LGR6: variants seen among roughly 807,000 people sequenced by gnomAD.
LGR6 encodes leucine rich repeat containing G protein-coupled receptor 6.
In LGR6, 45 loss-of-function variants were observed where a neutral mutation model predicts 69.4. The observed-to-expected ratio is 0.65, with a 90% CI of 0.51 to 0.83. LGR6 has a LOEUF of 0.83. Among genes scored for constraint, LGR6 ranks in the 40% least tolerant of loss-of-function variants. LGR6 has a pLI of 0.00. For synonymous variants in LGR6, 538 were observed against 555.0 expected (o/e 0.97, Z 0.43); for missense variants, 1,108 against 1,246.7 (o/e 0.89, Z 1.68).
chr1:202,277,730 T>C (rs1263857661), intron 5 of LGR6, among the ~76,000 whole-genome samples: 1 of 151,502 alleles, frequency 6.6e-6, no homozygotes, highest in East Asian at 1.9e-4. Flanking sequence ...AGAATAAATA[T>C]GGGAAAAAAA....
intron 4 of LGR6, among the ~76,000 whole-genome samples, chr1:202,239,079 T>C (rs1276616721): frequency 6.6e-6 from 1 of 152,214 alleles, no homozygotes; most frequent in Non-Finnish European, 1.5e-5. Context: ...ACGTAACTGC[T>C]ACGCGGTACC....
intron 13 of LGR6, 114 bp from the exon 14 acceptor site, chr1:202,307,216 G>T (rs1653302801): frequency 9.7e-7 from 1 of 1,031,990 alleles, no homozygotes; most frequent in Admixed American, 1.9e-5. Context: ...AAAGGCAAAG[G>T]TTACTGTTAC....
At chr1:202,236,126 C>T (rs1392958319) in intron 4 of LGR6, 133 bp downstream of exon 4, 2 of 688,254 alleles carry the variant, frequency 2.9e-6, no homozygotes, top group Non-Finnish European at 5.1e-6. Context: ...AGACAGCATG[C>T]CGCTCCTGGC....
At chr1:202,286,692 G>T (rs974870686) in intron 6 of LGR6, among the ~76,000 whole-genome samples, 2 of 152,148 alleles carry the variant, frequency 1.3e-5, no homozygotes, top group Admixed American at 6.5e-5. Context: ...CTGCAAATTT[G>T]TAGGGTTTTG....
intron 4 of LGR6, among the ~76,000 whole-genome samples, chr1:202,244,871 A>C (rs957123906): frequency 2.0e-5 from 3 of 152,108 alleles, no homozygotes; most frequent in Non-Finnish European, 4.4e-5. Context: ...GGAGGGTTAG[A>C]GTGGGCAGTA....
chr1:202,300,657 GAA>G (rs111707317), intron 7 of LGR6, among the ~76,000 whole-genome samples, 190 bp from the exon 8 acceptor site: 4 of 105,098 alleles, frequency 3.8e-5, no homozygotes, highest in Non-Finnish European at 4.0e-5. Flanking sequence ...CCCTGTCTCA[GAA>G]AAAAAAAAAA....
At chr1:202,298,205 A>G (rs1218755563) in intron 7 of LGR6, among the ~76,000 whole-genome samples, 1 of 152,228 alleles carries the variant, frequency 6.6e-6, no homozygotes, top group African/African-American at 2.4e-5. Context: ...CTTGCAGAGT[A>G]TTAGCTAAAA....
intron 10 of LGR6, among the ~76,000 whole-genome samples, chr1:202,304,356 C>A (rs1667821101): frequency 6.6e-6 from 1 of 152,174 alleles, no homozygotes; most frequent in South Asian, 2.1e-4. Context: ...CTCCTCTAGG[C>A]CCAAGGGAGC....
chr1:202,202,584 A>G (rs1031771683), intron 1 of LGR6, among the ~76,000 whole-genome samples: 1 of 152,246 alleles, frequency 6.6e-6, no homozygotes, highest in Non-Finnish European at 1.5e-5. Flanking sequence ...CTTGCTTTCA[A>G]AATGGGCATA....
intron 11 of LGR6, among the ~76,000 whole-genome samples, chr1:202,305,202 C>T (rs1462349946): frequency 6.6e-6 from 1 of 152,114 alleles, no homozygotes; most frequent in Non-Finnish European, 1.5e-5. Flanking sequence ...GGTGGTGTGT[C>T]CTTTAGTAGG....
At chr1:202,240,821 G>A (rs1289111514) in intron 4 of LGR6, among the ~76,000 whole-genome samples, 1 of 152,114 alleles carries the variant, frequency 6.6e-6, no homozygotes, top group Non-Finnish European at 1.5e-5. Context: ...GTGCCAGCAG[G>A]GACCCATCAT....
intron 1 of LGR6, among the ~76,000 whole-genome samples, chr1:202,199,554 T>C (rs1658762714): frequency 6.6e-6 from 1 of 151,258 alleles, no homozygotes. Context: ...CAGAGCAGAG[T>C]TGGCCCCCAG....
At chr1:202,252,350 AG>A (rs1663335782) in intron 4 of LGR6, among the ~76,000 whole-genome samples, 1 of 152,160 alleles carries the variant, frequency 6.6e-6, no homozygotes, top group Non-Finnish European at 1.5e-5. Context: ...TCCTCCAGGA[AG>A]CCCCCCTAGA....
intron 9 of LGR6, among the ~76,000 whole-genome samples, chr1:202,302,467 G>A (rs1018007015): frequency 2.6e-5 from 4 of 152,162 alleles, no homozygotes; most frequent in South Asian, 2.1e-4. Flanking sequence ...ATGTGGGTCC[G>A]TGTCCTCAAT....
Position 202,307,321 on chromosome 1 carries a change from T to C in LGR6, c.1209-9T>C. On this transcript the variant is annotated splice_polypyrimidine_tract_variant and intron_variant, in intron 13 of 17. Coordinates refer to ENST00000367278, the MANE Select transcript of LGR6 (RefSeq NM_001017403.2). ...CTGTCCCCTCCTGTCACACCCTCTC[T>C]GCCTGCAGGGATCTTAGCTGGAACG... The C allele has an allele frequency of 6.2e-7, 1 of 1,614,006 alleles. No homozygotes were observed.
At chr1:202,207,483 C>G (rs1659297082) in intron 1 of LGR6, among the ~76,000 whole-genome samples, 1 of 152,146 alleles carries the variant, frequency 6.6e-6, no homozygotes, top group South Asian at 2.1e-4. Flanking sequence ...ACCAGAGTCT[C>G]AGTGTTTCTG....
At chr1:202,224,105 T>G (rs1387143114) in intron 1 of LGR6, among the ~76,000 whole-genome samples, 2 of 151,978 alleles carry the variant, frequency 1.3e-5, no homozygotes, top group Non-Finnish European at 2.9e-5. Flanking sequence ...AGGAGAGATG[T>G]GACCTCAGGG....
chr1:202,310,877 G>T (rs903038582), intron 16 of LGR6, among the ~76,000 whole-genome samples: 3 of 152,078 alleles, frequency 2.0e-5, no homozygotes, highest in African/African-American at 7.2e-5. Flanking sequence ...CCTCCAGTCT[G>T]CCCCATGAGT....
chr1:202,318,120 G>A lies in LGR6; in HGVS notation c.1817G>A (p.Gly606Asp). 6.2e-7 allele frequency: 1 copy of A among 1,614,182 alleles called. No individual in the cohort carries two copies. Among genetic ancestry groups the A allele is most frequent in the Non-Finnish European group, 8.5e-7 (1 of 1,180,032 alleles). ...AAGTTTGTGGTAGGTGCGATTGCAG[G>A]CGCCAACACCTTGACTGGCATTTCC... ...PVKFVVGAIA[G>D]ANTLTGISCG... The change falls in exon 18 of 18, where the codon GGC (glycine) becomes GAC (aspartate). Residue 606 changes from glycine to aspartate, a missense_variant. Coordinates refer to ENST00000367278, the MANE Select transcript of LGR6 (RefSeq NM_001017403.2).
Sources: allele counts gnomAD v4.1 joint callset (sites outside exome capture counted in the v4.1 genomes callset), GRCh38; gene constraint gnomAD v4.1.1; transcripts MANE v1.5; gene names NCBI Gene and HGNC (gene_info 2026-07-23, HGNC 2026-07-21).